ATP5F1A: variants seen among roughly 807,000 people sequenced by gnomAD.
The protein encoded by ATP5F1A is ATP synthase F1 subunit alpha, also known as ATP synthase F(1) complex subunit alpha, mitochondrial.
Under a neutral mutation model 57.4 loss-of-function variants are expected in ATP5F1A, and 24 were observed. That is an observed-to-expected ratio of 0.42 (90% CI 0.30 to 0.59). The LOEUF (loss-of-function observed/expected upper bound fraction) is 0.59. Ranked by LOEUF, ATP5F1A falls within the 20% of genes least tolerant of loss-of-function variation. The pLI is 0.19. For missense variants in ATP5F1A, 494 were observed against 707.9 expected (o/e 0.70, Z 3.43); for synonymous variants, 251 against 255.5 (o/e 0.98, Z 0.17).
At position 46,088,138 on chromosome 18, in the gene ATP5F1A, G is replaced by A; in HGVS notation, c.770C>T (p.Ala257Val). 6.2e-7 allele frequency: 1 copy of A among 1,600,198 alleles called. No individual in the cohort carries two copies. The highest frequency in any genetic ancestry group is 8.5e-7 in the Non-Finnish European group (1 of 1,177,348). The change falls in exon 6 of 12, where the codon GCC (alanine) becomes GTC (valine). Residue 257 changes from alanine (A) to valine (V), a missense_variant. Ala to Val is a moderately conservative substitution (Grantham distance 64, BLOSUM62 0). Transcript: ENST00000398752. ...VAIGQKRSTV[A>V]QLVKRLTDAD... ...ATCTGTAAGTCTCTTCACCAACTGG[G>A]CAACAGTGGATCTCTTTTGACCAAT...
upstream of ATP5F1A, among the ~76,000 whole-genome samples, chr18:46,102,402 C>T (rs1449527462): frequency 6.6e-6 from 1 of 151,928 alleles, no homozygotes; most frequent in Non-Finnish European, 1.5e-5. Context: ...CAGCTCACTG[C>T]AAACTCTGCC....
chr18:46,092,335 C>A (rs1445151842), intron 2 of ATP5F1A: 1 of 151,078 alleles, frequency 6.6e-6, no homozygotes, highest in Non-Finnish European at 1.5e-5. Flanking sequence ...CACAGTGGCT[C>A]ACGCTAGCCA....
chr18:46,100,490 A>G (rs1226741796), upstream of ATP5F1A, among the ~76,000 whole-genome samples: 1 of 152,118 alleles, frequency 6.6e-6, no homozygotes, highest in African/African-American at 2.4e-5. Flanking sequence ...CATGCCTGTA[A>G]TCCCAACACG....
intron 2 of ATP5F1A, among the ~76,000 whole-genome samples, chr18:46,093,598 C>T (rs377759467): frequency 4.0e-5 from 6 of 151,734 alleles, no homozygotes; most frequent in South Asian, 2.1e-4. Flanking sequence ...CCAAGGTAGA[C>T]GGATCCCCTG....
intron 11 of ATP5F1A, 61 bp downstream of exon 11, chr18:46,084,443 A>G (rs1909936319): frequency 1.3e-6 from 2 of 1,575,220 alleles, no homozygotes; most frequent in Non-Finnish European, 8.6e-7. Context: ...ATTTGAAAAT[A>G]ATTTTAACTT....
intron 3 of ATP5F1A, among the ~76,000 whole-genome samples, chr18:46,090,748 A>G (rs376147204): frequency 2.6e-5 from 4 of 152,344 alleles, no homozygotes; most frequent in East Asian, 3.9e-4. Flanking sequence ...TGTCAAATTT[A>G]AAAGATTAAA....
intron 1 of ATP5F1A, among the ~76,000 whole-genome samples, chr18:46,096,299 G>C (rs1910945373): frequency 6.6e-6 from 1 of 150,780 alleles, no homozygotes. Context: ...TCGGGAGTTG[G>C]AGACCAGCCT....
At chr18:46,099,614 T>C (rs377076377), upstream of ATP5F1A, among the ~76,000 whole-genome samples, 1 of 152,148 alleles carries the variant, frequency 6.6e-6, no homozygotes, top group East Asian at 1.9e-4. Context: ...GCTAATTTTT[T>C]TGTAAAGACG....
chr18:46,103,857 T>C lies in ATP5F1A; in HGVS notation c.-49+280A>G, dbSNP rs182043798. Reference sequence around the variant, plus strand: ...TGAACCCAGGAGGCAGAGGTTGCAGTGAGCCGAGATCATGCCACTGCACTC... The same window carrying C: ...TGAACCCAGGAGGCAGAGGTTGCAGCGAGCCGAGATCATGCCACTGCACTC... On this transcript the variant is annotated intron_variant, in intron 1 of 12. Transcript: ENST00000282050. Among the ~76,000 whole-genome samples the C allele has an allele frequency of 3.9e-3, 584 of 149,896 alleles. 4 individuals carry two copies. Among genetic ancestry groups the C allele is most frequent in the African/African-American group, 0.014 (573 of 40,660 alleles).
chr18:46,086,787 A>T, intron 8 of ATP5F1A: 1 of 619,438 alleles, frequency 1.6e-6, no homozygotes, highest in Non-Finnish European at 2.8e-6. Context: ...TAGTGGTTAA[A>T]AATGAAACTA....
At chr18:46,095,747 G>C (rs1481688679) in intron 1 of ATP5F1A, among the ~76,000 whole-genome samples, 1 of 151,940 alleles carries the variant, frequency 6.6e-6, no homozygotes, top group East Asian at 1.9e-4. Flanking sequence ...CTCCCCAGTA[G>C]GTGGGATCAC....
rs1406960779 is a variant in ATP5F1A, at chr18:46,088,201, G to C, written c.707C>G (p.Ser236Cys). ...ACAGTACAGCTTCTTCTTTTCATCA[G>C]ATCCATCATTGAAACGTTTCTGGTT... The part of the protein sequence containing the change: ...IINQKRFNDG[S>C]DEKKKLYCIY... The change falls in exon 6 of 12, where the codon TCT (serine) becomes TGT (cysteine). Residue 236 changes from serine (S) to cysteine (C), a missense_variant. Physicochemically the swap from Ser to Cys is moderately radical, Grantham distance 112 (BLOSUM62 -1). This residue lies in a region of ATP5F1A where 191 missense variants were observed against 267.7 expected (regional missense o/e 0.71). Coordinates refer to ENST00000398752, the MANE Select transcript of ATP5F1A (RefSeq NM_004046.6). The C allele has an allele frequency of 1.2e-6, 2 of 1,603,246 alleles. No individual in the cohort carries two copies. Among genetic ancestry groups the C allele is most frequent in the Admixed American group, 1.8e-5 (1 of 56,284 alleles).
chr18:46,090,249 CTA>C (rs1275442322), intron 3 of ATP5F1A, among the ~76,000 whole-genome samples: 1 of 152,136 alleles, frequency 6.6e-6, no homozygotes, highest in East Asian at 1.9e-4. Flanking sequence ...CCTCAAATAA[CTA>C]TTACAGAAGC....
At position 46,084,294 on chromosome 18, in the gene ATP5F1A, T is replaced by C. The variant is rs1909925476; in HGVS notation, c.1650A>G (p.Gly550=). ...LKEIVTNFLA[G]FEA ...AATCCACAGGAGTTTAAGCTTCAAA[T>C]CCAGCCAAGAAATTTGTTACAATCT... The change falls in exon 12 of 12, where the codon GGA becomes GGG. Residue 550 remains glycine, a synonymous_variant. Transcript: ENST00000398752. 2 of 1,612,460 alleles carry C rather than the reference T, an allele frequency of 1.2e-6. No individual in the cohort carries two copies. Among genetic ancestry groups the C allele is most frequent in the East Asian group, 4.5e-5 (2 of 44,852 alleles).
chr18:46,091,969 T>A (rs913729286), intron 2 of ATP5F1A, 118 bp from the exon 3 acceptor site: 17 of 924,962 alleles, frequency 1.8e-5, no homozygotes, highest in Admixed American at 9.8e-5. Flanking sequence ...GGGCAGGAGT[T>A]TGAGACCAGC....
chr18:46,099,865 T>A (rs1911216800), upstream of ATP5F1A, among the ~76,000 whole-genome samples: 1 of 152,172 alleles, frequency 6.6e-6, no homozygotes, highest in African/African-American at 2.4e-5. Context: ...TGTAAACACG[T>A]GATTAGCCAT....
In ATP5F1A at chr18:46,082,939, A is replaced by C. The variant is rs1401925255; in HGVS notation, c.*1343T>G. 2 of 151,866 alleles carry C rather than the reference A, an allele frequency of 1.3e-5. No individual in the cohort carries two copies. The highest frequency in any genetic ancestry group is 2.9e-5 in the Non-Finnish European group (2 of 68,004). 9.4% of individuals were successfully genotyped at this position (151,866 alleles called of 1,614,324 possible). A position where few individuals can be genotyped will look rare whatever the true frequency, so the allele number is the denominator to read the frequency against. On this transcript the variant is annotated 3_prime_UTR_variant, in exon 12 of 12. Coordinates refer to ENST00000398752, the MANE Select transcript of ATP5F1A (RefSeq NM_004046.6). The stretch of plus-strand genomic sequence containing the variant: ...GTGGCATGGGCCTGTGGTCCCAGCT[A>C]ATTGGGAGGCTAAGGCAGGAGAATC...
chr18:46,085,820 C>G (rs190502273), intron 10 of ATP5F1A: 1 of 321,998 alleles, frequency 3.1e-6, no homozygotes, highest in African/African-American at 2.2e-5. Context: ...GTAATCCGAG[C>G]TACTAAGGAG....
chr18:46,102,049 C>T (rs1040751434), upstream of ATP5F1A, among the ~76,000 whole-genome samples: 12 of 151,932 alleles, frequency 7.9e-5, no homozygotes, highest in East Asian at 2.0e-4. Context: ...TGGCGGGCAC[C>T]TGTAGTCCCA....
Sources: gnomAD v4.1 joint callset for allele counts (sites outside exome capture counted in the v4.1 genomes callset) on GRCh38, gnomAD v4.1.1 for gene constraint, gnomAD v4.1.1 regional missense constraint, MANE v1.5 for transcripts, NCBI Gene and HGNC (gene_info 2026-07-23, HGNC 2026-07-21) for gene names.